Variants in RGS21 observed in about 807,000 individuals in gnomAD.
The protein encoded by RGS21 is regulator of G-protein signalling 21.
RGS21 carries 19 observed loss-of-function variants against 18.7 expected under a neutral mutation model. The observed-to-expected ratio is 1.01, with a 90% CI of 0.71 to 1.49. The LOEUF is 1.49. Ranked by LOEUF, RGS21 falls within the 40% of genes most tolerant of loss-of-function variation. The pLI is 0.00. For synonymous variants in RGS21, 56 were observed against 57.8 expected, an observed-to-expected ratio of 0.97 and a Z score of 0.14; for missense variants, 194 against 176.8, an observed-to-expected ratio of 1.10 and a Z score of -0.55.
At position 192,342,994 on chromosome 1, in the gene RGS21, AAG is replaced by A. The variant is rs1658893961; in HGVS notation, c.-39_-38del. The A allele has an allele frequency of 6.2e-7, 1 of 1,608,788 alleles. No individual in the cohort carries two copies. The highest frequency in any genetic ancestry group is 1.3e-5 in the African/African-American group (1 of 74,794). On this transcript the variant is annotated 5_prime_UTR_variant, in exon 2 of 5. Transcript: ENST00000417209. Reference sequence around the variant, plus strand: ...ACCTTCAGCTTGAAGATCAGTCAGAAAGAGAAACTCGGCATCATCTGTGACAG... The same window carrying A: ...ACCTTCAGCTTGAAGATCAGTCAGAAAGAAACTCGGCATCATCTGTGACAG...
intron 1 of RGS21, among the ~76,000 whole-genome samples, chr1:192,334,561 AG>A (rs1658737625): frequency 6.6e-6 from 1 of 152,146 alleles, no homozygotes; most frequent in Admixed American, 6.5e-5. Context: ...AAAATAAAAA[AG>A]AGGCCTCTGA....
chr1:192,364,393 C>G (rs1482942416), intron 4 of RGS21, among the ~76,000 whole-genome samples: 2 of 152,152 alleles, frequency 1.3e-5, no homozygotes, highest in Non-Finnish European at 2.9e-5. Flanking sequence ...TTTCAAATTA[C>G]TTTTTTTATT....
intron 1 of RGS21, among the ~76,000 whole-genome samples, chr1:192,320,836 G>A (rs1339131): frequency 0.48 from 73,172 of 151,670 alleles, 18,749 homozygotes; most frequent in African/African-American, 0.64. Context: ...CTGACCTTAA[G>A]TTAAACATTT....
At chr1:192,317,893 A>C (rs1658441856) in intron 1 of RGS21, among the ~76,000 whole-genome samples, 1 of 152,000 alleles carries the variant, frequency 6.6e-6, no homozygotes, top group South Asian at 2.1e-4. Flanking sequence ...TTGTAATTTC[A>C]TAAAATTTTT....
intron 4 of RGS21, among the ~76,000 whole-genome samples, chr1:192,365,715 C>T (rs1659248923): frequency 6.6e-6 from 1 of 151,990 alleles, no homozygotes; most frequent in Non-Finnish European, 1.5e-5. Context: ...CCACTGTTTC[C>T]TGTCAATGCT....
At chr1:192,334,291 G>A (rs1459137209) in intron 1 of RGS21, among the ~76,000 whole-genome samples, 1 of 151,912 alleles carries the variant, frequency 6.6e-6, no homozygotes, top group Non-Finnish European at 1.5e-5. Flanking sequence ...CTCACTTTAG[G>A]TTATCACCTT....
At chr1:192,328,208 A>G (rs548009808) in intron 1 of RGS21, among the ~76,000 whole-genome samples, 7 of 152,226 alleles carry the variant, frequency 4.6e-5, no homozygotes, top group African/African-American at 1.7e-4. Flanking sequence ...CAGGCTGGGC[A>G]TGGCTCCGAG....
intron 2 of RGS21, among the ~76,000 whole-genome samples, chr1:192,344,877 T>C (rs1658924970): frequency 6.6e-6 from 1 of 152,068 alleles, no homozygotes; most frequent in African/African-American, 2.4e-5. Context: ...AAAAACAATG[T>C]CAGCATTTTG....
At chr1:192,338,225 C>T (rs140745754) in intron 1 of RGS21, among the ~76,000 whole-genome samples, 2 of 152,250 alleles carry the variant, frequency 1.3e-5, no homozygotes, top group African/African-American at 4.8e-5. Context: ...GAACCATACA[C>T]AACTCAGGCT....
intron 1 of RGS21, among the ~76,000 whole-genome samples, chr1:192,321,856 T>C (rs922927771): frequency 6.6e-5 from 10 of 151,950 alleles, no homozygotes; most frequent in Non-Finnish European, 1.2e-4. Context: ...GTCCTTATAT[T>C]AGAATTGAAA....
intron 1 of RGS21, among the ~76,000 whole-genome samples, chr1:192,338,474 G>A (rs960549567): frequency 6.6e-6 from 1 of 151,840 alleles, no homozygotes; most frequent in Admixed American, 6.6e-5. Context: ...GGCAAATAAC[G>A]ATCAGTGCGA....
chr1:192,341,452 TTG>T (rs1273432065), intron 1 of RGS21, among the ~76,000 whole-genome samples: 2 of 152,058 alleles, frequency 1.3e-5, no homozygotes, highest in Non-Finnish European at 2.9e-5. Context: ...TGGCAATCCT[TTG>T]TCAAGATACA....
At chr1:192,362,967 A>G (rs918888682) in intron 4 of RGS21, among the ~76,000 whole-genome samples, 1 of 152,156 alleles carries the variant, frequency 6.6e-6, no homozygotes, top group Non-Finnish European at 1.5e-5. Flanking sequence ...AGAAAGAAAA[A>G]AAATCCACAC....
chr1:192,352,833 G>C (rs1045227945), intron 4 of RGS21, among the ~76,000 whole-genome samples: 2 of 151,836 alleles, frequency 1.3e-5, no homozygotes, highest in African/African-American at 4.8e-5. Flanking sequence ...TTTTATATGT[G>C]GAATATCTCA....
intron 1 of RGS21, among the ~76,000 whole-genome samples, chr1:192,330,059 T>C (rs1378387892): frequency 1.3e-5 from 2 of 152,184 alleles, no homozygotes; most frequent in Non-Finnish European, 2.9e-5. Context: ...TATTGTTATA[T>C]ATGAGGTAAT....
chr1:192,366,433 G>A lies in RGS21; in HGVS notation c.*309G>A, dbSNP rs2102240915. ...AAGGAATTATACATATCTTCACGTG[G>A]CAGAATGAAAGACTTTTGAGCATCA... On this transcript the variant is annotated 3_prime_UTR_variant, in exon 5 of 5. Transcript: ENST00000417209. 5.8e-6 allele frequency: 1 copy of A among 172,248 alleles called. No individual in the cohort carries two copies. The highest frequency in any genetic ancestry group is 1.2e-5 in the Non-Finnish European group (1 of 81,584). 10.7% of individuals were successfully genotyped at this position (172,248 alleles called of 1,614,324 possible).
chr1:192,340,326 C>T (rs189499891), intron 1 of RGS21, among the ~76,000 whole-genome samples: 1 of 152,164 alleles, frequency 6.6e-6, no homozygotes, highest in Admixed American at 6.6e-5. Flanking sequence ...GATGTGTTGG[C>T]TTGCTATATT....
chr1:192,322,165 G>A (rs940658779), intron 1 of RGS21, among the ~76,000 whole-genome samples: 4 of 151,906 alleles, frequency 2.6e-5, no homozygotes, highest in African/African-American at 9.7e-5. Context: ...CACAAGAAAG[G>A]TATACTCAGT....
chr1:192,334,564 G>C (rs1658737656), intron 1 of RGS21, among the ~76,000 whole-genome samples: 1 of 152,002 alleles, frequency 6.6e-6, no homozygotes, highest in South Asian at 2.1e-4. Flanking sequence ...ATAAAAAAGA[G>C]GCCTCTGAAT....
Sources: allele counts gnomAD v4.1 joint callset (sites outside exome capture counted in the v4.1 genomes callset), GRCh38; gene constraint gnomAD v4.1.1; transcripts MANE v1.5; gene names NCBI Gene and HGNC (gene_info 2026-07-23, HGNC 2026-07-21).